The following WWOX variants were observed in gnomAD, a reference collection of about 807,000 sequenced individuals.
The protein encoded by WWOX is WW domain-containing oxidoreductase.
WWOX carries 69 observed loss-of-function variants against 46.2 expected under a neutral mutation model. That is an observed-to-expected ratio of 1.49 (90% CI 1.23 to 1.82). The LOEUF is 1.82. Ranked by LOEUF, WWOX falls within the 40% of genes most tolerant of loss-of-function variation. The pLI, the probability that WWOX is intolerant of heterozygous loss-of-function variation, is 0.00. For synonymous variants in WWOX, 359 were observed against 202.6 expected, an observed-to-expected ratio of 1.77 and a Z score of -6.56; for missense variants, 919 against 542.6, an observed-to-expected ratio of 1.69 and a Z score of -6.89.
intron 8 of WWOX, among the ~76,000 whole-genome samples, chr16:78,864,774 TTTTTTTTTG>T (rs2043966826): frequency 8.9e-6 from 1 of 112,198 alleles, no homozygotes; most frequent in African/African-American, 3.5e-5. Context: ...TTTTTTTTTT[TTTTTTTTTG>T]AGACAGTCTC....
rs562108900 is a variant in WWOX, at chr16:78,672,349, C to T, written c.1056+239597C>T. ...AAGGCGGAAGTGCTTGTTAACTTTG[C>T]ACTCTATAGCCAAGTGCGATGATCA... On this transcript the variant is annotated intron_variant, in intron 8 of 8. Transcript: ENST00000566780. Among the ~76,000 whole-genome samples, 6 of 152,292 alleles carry T rather than the reference C, an allele frequency of 3.9e-5. No individual in the cohort carries two copies. In the South Asian group the frequency reaches 1.2e-3, roughly 32 times the overall value.
At chr16:79,195,334 T>A (rs1244357433) in intron 8 of WWOX, among the ~76,000 whole-genome samples, 2 of 152,040 alleles carry the variant, frequency 1.3e-5, no homozygotes, top group African/African-American at 4.8e-5. Context: ...AATGCTCCAG[T>A]CAATCCCAAG....
intron 8 of WWOX, among the ~76,000 whole-genome samples, chr16:78,659,684 C>G (rs747223094): frequency 2.6e-5 from 4 of 152,144 alleles, no homozygotes; most frequent in Non-Finnish European, 4.4e-5. Flanking sequence ...CTAAAGGAGC[C>G]TTTTCCTTCC....
intron 8 of WWOX, among the ~76,000 whole-genome samples, chr16:78,691,949 T>A (rs902811353): frequency 6.6e-6 from 1 of 152,184 alleles, no homozygotes; most frequent in Non-Finnish European, 1.5e-5. Context: ...TGAATAAGTC[T>A]CATGAGATCT....
intron 6 of WWOX, among the ~76,000 whole-genome samples, chr16:78,392,158 C>T (rs9926729): frequency 0.16 from 23,926 of 151,964 alleles, 2,335 homozygotes; most frequent in East Asian, 0.38. Context: ...GGTGGGCAAG[C>T]ATAGGAAGCT....
chr16:78,861,046 C>T (rs1396446027), intron 8 of WWOX, among the ~76,000 whole-genome samples: 1 of 152,098 alleles, frequency 6.6e-6, no homozygotes, highest in Non-Finnish European at 1.5e-5. Flanking sequence ...TCTCGAACTC[C>T]TGGGCTCAAG....
Position 78,296,843 on chromosome 16 carries a change from G to A in WWOX, c.517-90017G>A, listed in dbSNP as rs150054458. On this transcript the variant is annotated intron_variant, in intron 5 of 8. Coordinates refer to ENST00000566780, the MANE Select transcript of WWOX (RefSeq NM_016373.4). ...AGGAGTTTTGAGAGCTCTGGGTCTC[G>A]TTCGGTTGTTGTACATGGCAACCAA... Among the ~76,000 whole-genome samples the A allele has an allele frequency of 3.1e-3, 465 of 152,224 alleles. 2 individuals carry two copies. The highest frequency in any genetic ancestry group is 0.011 in the African/African-American group (437 of 41,546).
chr16:78,193,036 C>G (rs2035932105), intron 5 of WWOX, among the ~76,000 whole-genome samples: 1 of 152,226 alleles, frequency 6.6e-6, no homozygotes, highest in Non-Finnish European at 1.5e-5. Flanking sequence ...CTTTCCTGGG[C>G]TCAGCTTCTC....
chr16:78,620,446 C>T (rs28418842), intron 8 of WWOX, among the ~76,000 whole-genome samples: 2 of 152,030 alleles, frequency 1.3e-5, no homozygotes, highest in African/African-American at 2.4e-5. Flanking sequence ...CATTCAAGGC[C>T]GAAACTTGGT....
At chr16:78,456,297 A>G (rs1460879202) in intron 8 of WWOX, among the ~76,000 whole-genome samples, 1 of 152,186 alleles carries the variant, frequency 6.6e-6, no homozygotes, top group Non-Finnish European at 1.5e-5. Flanking sequence ...AAATGTCACG[A>G]GTGTCTGTGA....
chr16:78,640,368 C>T (rs562288545), intron 8 of WWOX, among the ~76,000 whole-genome samples: 146 of 151,692 alleles, frequency 9.6e-4, no homozygotes, highest in African/African-American at 2.9e-3. Context: ...TCAAGTCGGC[C>T]GCTCTGAGCT....
intron 8 of WWOX, among the ~76,000 whole-genome samples, chr16:79,182,975 A>T (rs1370992863): frequency 6.6e-6 from 1 of 152,194 alleles, no homozygotes; most frequent in Non-Finnish European, 1.5e-5. Flanking sequence ...AGGTAAAGAC[A>T]TGTACTAGGC....
chr16:78,870,866 T>C (rs1214993421), intron 8 of WWOX, among the ~76,000 whole-genome samples: 7 of 152,170 alleles, frequency 4.6e-5, no homozygotes, highest in African/African-American at 1.4e-4. Flanking sequence ...CTTCCCAAAG[T>C]GCTAGGATTA....
At chr16:78,664,576 G>T (rs2047287516) in intron 8 of WWOX, among the ~76,000 whole-genome samples, 1 of 152,182 alleles carries the variant, frequency 6.6e-6, no homozygotes, top group Non-Finnish European at 1.5e-5. Flanking sequence ...AGAGTGAAGA[G>T]CTGGCAGTGT....
intron 8 of WWOX, among the ~76,000 whole-genome samples, chr16:79,069,702 AT>A (rs1284770311): frequency 2.0e-5 from 3 of 152,340 alleles, no homozygotes; most frequent in Admixed American, 6.5e-5. Context: ...GTAGCAGTCA[AT>A]TAAATGAGGC....
intron 8 of WWOX, among the ~76,000 whole-genome samples, chr16:79,140,762 G>A (rs1046993873): frequency 6.6e-6 from 1 of 152,180 alleles, no homozygotes; most frequent in Non-Finnish European, 1.5e-5. Flanking sequence ...AAGGTGAGTT[G>A]TGCAGAGGCA....
intron 8 of WWOX, among the ~76,000 whole-genome samples, chr16:78,799,504 A>G (rs547569386): frequency 6.6e-6 from 1 of 152,322 alleles, no homozygotes; most frequent in Non-Finnish European, 1.5e-5. Flanking sequence ...TTTAAATAAT[A>G]TCGTCATCAC....
At chr16:78,326,221 T>G (rs2080610622) in intron 5 of WWOX, among the ~76,000 whole-genome samples, 8 of 152,210 alleles carry the variant, frequency 5.3e-5, no homozygotes, top group Admixed American at 4.6e-4. Flanking sequence ...ACCTGAATTA[T>G]GGGGATGCTC....
chr16:79,032,562 C>A (rs1268963075), intron 8 of WWOX, among the ~76,000 whole-genome samples: 1 of 147,532 alleles, frequency 6.8e-6, no homozygotes, highest in Non-Finnish European at 1.5e-5. Flanking sequence ...AATATACTTT[C>A]CATACATACA....
Sources: allele counts gnomAD v4.1 joint callset (sites outside exome capture counted in the v4.1 genomes callset), GRCh38; gene constraint gnomAD v4.1.1; transcripts MANE v1.5; gene names NCBI Gene and HGNC (gene_info 2026-07-23, HGNC 2026-07-21).